Variants in SERBP1 observed in about 807,000 individuals in gnomAD.
SERBP1 encodes SERPINE1 mRNA binding protein 1.
Under a neutral mutation model 50.2 loss-of-function variants are expected in SERBP1, and 6 were observed. The ratio of observed to expected loss-of-function variants is 0.12; its 90% CI spans 0.07 to 0.24. SERBP1 has a LOEUF of 0.24. Among genes scored for constraint, SERBP1 ranks in the 10% least tolerant of loss-of-function variants. The pLI, the probability that SERBP1 is intolerant of heterozygous loss-of-function variation, is 1.00. For missense variants in SERBP1, 346 were observed against 524.9 expected, an observed-to-expected ratio of 0.66 and a Z score of 3.33; for synonymous variants, 168 against 182.8, an observed-to-expected ratio of 0.92 and a Z score of 0.65.
At chr1:67,428,626 C>T (rs901434569) in intron 1 of SERBP1, among the ~76,000 whole-genome samples, 4 of 151,802 alleles carry the variant, frequency 2.6e-5, no homozygotes, top group African/African-American at 4.8e-5. Context: ...CTTTCTAATA[C>T]TCCAACTGTA....
At chr1:67,416,551 A>G (rs1557501576) in intron 6 of SERBP1, among the ~76,000 whole-genome samples, 1 of 152,226 alleles carries the variant, frequency 6.6e-6, no homozygotes, top group Admixed American at 6.5e-5. Context: ...CATCTAAGGA[A>G]TCTTCTTTTC....
In SERBP1 at chr1:67,411,611, A is replaced by C. The variant is rs1666847723; in HGVS notation, c.*1596T>G. The C allele has an allele frequency of 6.6e-6, 1 of 152,232 alleles. No homozygotes were observed. Among genetic ancestry groups the C allele is most frequent in the African/African-American group, 2.4e-5 (1 of 41,464 alleles). The allele number at this position is 152,232 out of a possible 1,614,324, so 9.4% of individuals were successfully genotyped here. The stretch of plus-strand genomic sequence containing the variant: ...TCCTAAAATGTCAGAATAGTAGGTA[A>C]CTGAGATTAATAAATCTTATCCAAA... On this transcript the variant is annotated 3_prime_UTR_variant, in exon 8 of 8. Coordinates refer to ENST00000361219, the MANE Select transcript of SERBP1 (RefSeq NM_001018069.2).
Position 67,415,253 on chromosome 1 carries a change from G to A in SERBP1, c.1038C>T (p.Asp346=). The A allele has an allele frequency of 6.2e-7, 1 of 1,613,132 alleles. No homozygotes were observed. The highest frequency in any genetic ancestry group is 1.1e-5 in the South Asian group (1 of 90,822). Residue 346 remains aspartate (D), a synonymous_variant, in exon 7 of 8, where the codon GAC becomes GAT. Transcript: ENST00000361219. The stretch of plus-strand genomic sequence containing the variant: ...TGCCGCCACGTCCTGGGCGGCCAAG[G>A]TCTCCAAAATTGATCTCCAGCTGAG... The part of the protein sequence containing the change: ...ITSQLEINFG[D]LGRPGRGGRG...
At chr1:67,426,381 A>G (rs1667380134) in intron 1 of SERBP1, 96 bp from the exon 2 acceptor site, 2 of 1,253,914 alleles carry the variant, frequency 1.6e-6, no homozygotes, top group Middle Eastern at 2.0e-4. Context: ...CCAATCCACT[A>G]CCATTTCCTG....
At chr1:67,414,777 T>G (rs961407942) in intron 7 of SERBP1, among the ~76,000 whole-genome samples, 7 of 152,190 alleles carry the variant, frequency 4.6e-5, no homozygotes, top group African/African-American at 1.4e-4. Context: ...CAGTTAGGAA[T>G]TATCAAAGTG....
chr1:67,424,528 ATAAAATGAAGCT>A, intron 4 of SERBP1: 1 of 508,250 alleles, frequency 2.0e-6, no homozygotes, highest in Non-Finnish European at 3.4e-6. Context: ...GCAGTTAATT[ATAAAATGAAGCT>A]TTACTAGCTT....
At chr1:67,425,889 G>A (rs1667355773) in intron 2 of SERBP1, among the ~76,000 whole-genome samples, 1 of 152,146 alleles carries the variant, frequency 6.6e-6, no homozygotes, top group Non-Finnish European at 1.5e-5. Context: ...AATATTGCAG[G>A]AGGACAGCTT....
rs1438545847 is a variant in SERBP1, at chr1:67,425,118, T to G, written c.570A>C (p.Lys190Asn). The G allele has an allele frequency of 2.5e-6, 4 of 1,611,598 alleles. No homozygotes were observed. The highest frequency in any genetic ancestry group is 3.4e-6 in the Non-Finnish European group (4 of 1,179,768). The part of the protein sequence containing the change: ...GRGDGFDSRG[K>N]REFDRHSGSD... ...TTCCACTATGCCTATCAAATTCACGTTTGCCACGAGAATCAAATCCATCTC... is the reference window on the plus strand; with the variant it reads ...TTCCACTATGCCTATCAAATTCACGGTTGCCACGAGAATCAAATCCATCTC... The change falls in exon 3 of 8, where the codon AAA becomes AAC. Residue 190 changes from lysine to asparagine, a missense_variant. By Grantham distance (94) the Lys-to-Asn change is moderately conservative (BLOSUM62 0). Coordinates refer to ENST00000361219, the MANE Select transcript of SERBP1 (RefSeq NM_001018069.2).
intron 6 of SERBP1, among the ~76,000 whole-genome samples, chr1:67,418,829 T>C (rs1667114180): frequency 1.3e-5 from 2 of 152,204 alleles, no homozygotes; most frequent in Non-Finnish European, 2.9e-5. Flanking sequence ...AATTTAACTT[T>C]ACCTTAGGAT....
intron 5 of SERBP1, among the ~76,000 whole-genome samples, chr1:67,421,473 A>C (rs994551978): frequency 6.6e-6 from 1 of 152,234 alleles, no homozygotes; most frequent in Non-Finnish European, 1.5e-5. Flanking sequence ...ATTCTCCCCT[A>C]GTCTGGAATA....
intron 1 of SERBP1, among the ~76,000 whole-genome samples, chr1:67,426,786 C>A (rs1294262927): frequency 1.3e-5 from 2 of 151,858 alleles, no homozygotes; most frequent in African/African-American, 4.8e-5. Flanking sequence ...AAAGTGAGGG[C>A]CGCACTATGT....
intron 4 of SERBP1, 35 bp downstream of exon 4, chr1:67,424,853 A>G: frequency 4.6e-6 from 7 of 1,508,018 alleles, no homozygotes; most frequent in Non-Finnish European, 6.4e-6. Flanking sequence ...ACCTCTAGTT[A>G]GGTATAGAAT....
At chr1:67,424,633 C>T (rs2100437581) in intron 4 of SERBP1, among the ~76,000 whole-genome samples, 1 of 152,000 alleles carries the variant, frequency 6.6e-6, no homozygotes, top group South Asian at 2.1e-4. Flanking sequence ...ACCCAAATAA[C>T]CTTATTGTGG....
Position 67,424,884 on chromosome 1 carries a change from C to T in SERBP1, c.695+4G>A. The T allele has an allele frequency of 1.2e-6, 2 of 1,609,802 alleles. No homozygotes were observed. Among genetic ancestry groups the T allele is most frequent in the Non-Finnish European group, 1.7e-6 (2 of 1,177,970 alleles). Reference sequence around the variant, plus strand: ...AGAATTTTTAAGAAAATCAGAATACCAACGTTAATTCGTCTTTGACAGTTC... The same window carrying T: ...AGAATTTTTAAGAAAATCAGAATACTAACGTTAATTCGTCTTTGACAGTTC... On this transcript the variant is annotated splice_donor_region_variant and intron_variant, in intron 4 of 7. Transcript: ENST00000361219.
chr1:67,413,289 C>T, intron 7 of SERBP1, 26 bp from the exon 8 acceptor site: 1 of 1,558,800 alleles, frequency 6.4e-7, no homozygotes, highest in Non-Finnish European at 8.7e-7. Context: ...CAAAATTAAC[C>T]ACAGTTCTCA....
intron 5 of SERBP1, 79 bp downstream of exon 5, chr1:67,424,120 TA>T: frequency 7.0e-7 from 1 of 1,428,000 alleles, no homozygotes. Context: ...GTAACAGCAT[TA>T]AATCTATGGG....
intron 7 of SERBP1, among the ~76,000 whole-genome samples, chr1:67,413,951 A>T (rs969626): frequency 6.6e-6 from 1 of 151,724 alleles, no homozygotes. Context: ...GGTTACAGGG[A>T]TGTGCCACCA....
chr1:67,411,866 T>A lies in SERBP1; in HGVS notation c.*1341A>T, dbSNP rs1232541233. 6.6e-6 allele frequency: 1 copy of A among 152,240 alleles called. No individual in the cohort carries two copies. The highest frequency in any genetic ancestry group is 2.4e-5 in the African/African-American group (1 of 41,456). 9.4% of individuals were successfully genotyped at this position (152,240 alleles called of 1,614,324 possible). A position where few individuals can be genotyped will look rare whatever the true frequency, so the allele number is the denominator to read the frequency against. ...AGAATAAAAGACAATCCTAGAAAAC[T>A]TTTTTAATTCATCATTCTATGTGTG... On this transcript the variant is annotated 3_prime_UTR_variant, in exon 8 of 8. Coordinates refer to ENST00000361219, the MANE Select transcript of SERBP1 (RefSeq NM_001018069.2).
Position 67,409,421 on chromosome 1 carries a change from CCCCACA to C in SERBP1, c.*3780_*3785del, listed in dbSNP as rs1666755483. 9.2e-6 allele frequency: 1 copy of C among 108,950 alleles called. No homozygotes were observed. Among genetic ancestry groups the C allele is most frequent in the Non-Finnish European group, 1.8e-5 (1 of 56,396 alleles). 6.7% of individuals were successfully genotyped at this position (108,950 alleles called of 1,614,324 possible). A position where few individuals can be genotyped will look rare whatever the true frequency, so the allele number is the denominator to read the frequency against. On this transcript the variant is annotated 3_prime_UTR_variant, in exon 8 of 8. Coordinates refer to ENST00000361219, the MANE Select transcript of SERBP1 (RefSeq NM_001018069.2). The stretch of plus-strand genomic sequence containing the variant: ...CACACACACACACACACACACACAC[CCCCACA>C]CACACCAGGTCACAGGCTGAACTTT...
Sources: gnomAD v4.1 joint callset for allele counts (sites outside exome capture counted in the v4.1 genomes callset) on GRCh38, gnomAD v4.1.1 for gene constraint, MANE v1.5 for transcripts, NCBI Gene and HGNC (gene_info 2026-07-23, HGNC 2026-07-21) for gene names.